Variants in REDIC1 observed in about 807,000 individuals in gnomAD.
The protein encoded by REDIC1 is HEI10 Interacting Protein 1.
the REDIC1 span, among the ~76,000 whole-genome samples, chr12:39,717,379 A>G: frequency 6.6e-6 from 1 of 152,074 alleles, no homozygotes; most frequent in African/African-American, 2.4e-5. Context: ...CAATAAAGTA[A>G]GCTAAAGAAA....
the REDIC1 span, among the ~76,000 whole-genome samples, chr12:39,635,463 A>C: frequency 9.9e-5 from 15 of 152,206 alleles, no homozygotes; most frequent in African/African-American, 3.6e-4. Context: ...CTATGCAGCC[A>C]TAGAAAAGGA....
the REDIC1 span, chr12:39,682,925 C>T: frequency 2.5e-6 from 4 of 1,613,048 alleles, no homozygotes. Flanking sequence ...TGTGTAGTCA[C>T]TAGTTCTGAT....
the REDIC1 span, among the ~76,000 whole-genome samples, chr12:39,748,665 G>A: frequency 6.6e-6 from 1 of 152,132 alleles, no homozygotes; most frequent in Non-Finnish European, 1.5e-5. Context: ...CCACATAGTT[G>A]GAAGTAAAGC....
the REDIC1 span, among the ~76,000 whole-genome samples, chr12:39,743,145 CA>C: frequency 1.0e-3 from 157 of 152,300 alleles, 2 homozygotes; most frequent in African/African-American, 3.7e-3. Flanking sequence ...TTCCTTTTAA[CA>C]AGGCCTGTCC....
At chr12:39,894,539 G>T in the REDIC1 span, among the ~76,000 whole-genome samples, 2 of 152,312 alleles carry the variant, frequency 1.3e-5, no homozygotes, top group South Asian at 4.1e-4. Flanking sequence ...AATTGATTTA[G>T]CTTGCATACT....
At chr12:39,712,153 C>CATGTATATGTATATGTATATATACCTGT in the REDIC1 span, among the ~76,000 whole-genome samples, 5 of 95,072 alleles carry the variant, frequency 5.3e-5, no homozygotes, top group African/African-American at 1.7e-4. Flanking sequence ...TACATCTATA[C>CATGTATATGTATATGTATATATACCTGT]ATGTATATGT....
chr12:39,704,423 C>T, the REDIC1 span, among the ~76,000 whole-genome samples: 3 of 152,184 alleles, frequency 2.0e-5, no homozygotes, highest in Non-Finnish European at 1.5e-5. Flanking sequence ...CAGGAAACAA[C>T]AGGTGCTGGA....
the REDIC1 span, among the ~76,000 whole-genome samples, chr12:39,839,101 C>G: frequency 6.6e-6 from 1 of 152,064 alleles, no homozygotes; most frequent in African/African-American, 2.4e-5. Flanking sequence ...AACAGCTATT[C>G]CCAAACTTCC....
chr12:39,882,347 A>T, the REDIC1 span, among the ~76,000 whole-genome samples: 1 of 152,108 alleles, frequency 6.6e-6, no homozygotes, highest in Non-Finnish European at 1.5e-5. Context: ...TGCTTTGAAA[A>T]TTACTTCCCC....
chr12:39,813,427 G>A, the REDIC1 span, among the ~76,000 whole-genome samples: 3,163 of 152,076 alleles, frequency 0.021, 42 homozygotes, highest in South Asian at 0.03. Flanking sequence ...CATCTAAATT[G>A]TCACTTAATC....
the REDIC1 span, among the ~76,000 whole-genome samples, chr12:39,807,957 AAATCCAGTACTTT>A: frequency 6.6e-6 from 1 of 152,182 alleles, no homozygotes; most frequent in African/African-American, 2.4e-5. Flanking sequence ...GGAAGTCAAG[AAATCCAGTACTTT>A]AATCATCTAT....
At chr12:39,893,213 A>T in the REDIC1 span, among the ~76,000 whole-genome samples, 158 of 152,344 alleles carry the variant, frequency 1.0e-3, 1 homozygote, top group African/African-American at 3.5e-3. Context: ...AATGCTTAGC[A>T]ACATTCTAAA....
At chr12:39,821,762 T>C in the REDIC1 span, among the ~76,000 whole-genome samples, 1 of 152,176 alleles carries the variant, frequency 6.6e-6, no homozygotes, top group African/African-American at 2.4e-5. Context: ...TCTAATTTCC[T>C]TGGCCAGAAC....
At chr12:39,859,486 C>A in the REDIC1 span, among the ~76,000 whole-genome samples, 111 of 152,022 alleles carry the variant, frequency 7.3e-4, no homozygotes, top group Non-Finnish European at 2.8e-4. Flanking sequence ...AGTACCTCTG[C>A]AGATGACCCT....
chr12:39,721,136 A>T, the REDIC1 span: 1 of 1,613,746 alleles, frequency 6.2e-7, no homozygotes. Context: ...ATACAGTGTG[A>T]TCTAATTTCA....
chr12:39,747,390 G>T, the REDIC1 span, among the ~76,000 whole-genome samples: 1 of 152,172 alleles, frequency 6.6e-6, no homozygotes, highest in Admixed American at 6.5e-5. Context: ...AGAGTAAAAA[G>T]AAATGAACAA....
the REDIC1 span, chr12:39,640,807 GA>G: frequency 2.0e-6 from 1 of 496,284 alleles, no homozygotes; most frequent in Non-Finnish European, 3.5e-6. Context: ...AATACTTTAA[GA>G]ATATTTTTAT....
At chr12:39,729,921 C>T in the REDIC1 span, among the ~76,000 whole-genome samples, 1 of 152,106 alleles carries the variant, frequency 6.6e-6, no homozygotes, top group African/African-American at 2.4e-5. Flanking sequence ...TAATGTCCTT[C>T]TTTCTCTTTT....
the REDIC1 span, among the ~76,000 whole-genome samples, chr12:39,630,681 C>T: frequency 3.3e-5 from 5 of 152,156 alleles, no homozygotes; most frequent in Admixed American, 2.6e-4. Flanking sequence ...ATAGGTTTAG[C>T]TGAGAGTTTG....
Sources: allele counts gnomAD v4.1 joint callset (sites outside exome capture counted in the v4.1 genomes callset), GRCh38; gene constraint gnomAD v4.1.1; transcripts MANE v1.5; gene names NCBI Gene and HGNC (gene_info 2026-07-23, HGNC 2026-07-21).